CMIP: variants seen among roughly 807,000 people sequenced by gnomAD.
CMIP encodes C-Maf-inducing protein.
CMIP carries 13 observed loss-of-function variants against 97.3 expected under a neutral mutation model. The ratio of observed to expected loss-of-function variants is 0.13; its 90% CI spans 0.09 to 0.21. The LOEUF (loss-of-function observed/expected upper bound fraction) is 0.21. Among genes scored for constraint, CMIP ranks in the 10% least tolerant of loss-of-function variants. The pLI, the probability that CMIP is intolerant of heterozygous loss-of-function variation, is 1.00. For synonymous variants in CMIP, 538 were observed against 436.3 expected, an observed-to-expected ratio of 1.23 and a Z score of -2.91; for missense variants, 847 against 1,024.9, an observed-to-expected ratio of 0.83 and a Z score of 2.37.
At chr16:81,584,721 T>C (rs2091352194) in intron 1 of CMIP, among the ~76,000 whole-genome samples, 1 of 152,076 alleles carries the variant, frequency 6.6e-6, no homozygotes, top group South Asian at 2.1e-4. Context: ...CAACACATCG[T>C]GAGATGCCAG....
intron 1 of CMIP, among the ~76,000 whole-genome samples, chr16:81,474,918 A>G (rs962039653): frequency 6.6e-6 from 1 of 152,158 alleles, no homozygotes; most frequent in Non-Finnish European, 1.5e-5. Flanking sequence ...GGTGGACTGA[A>G]TGTGGTTCTG....
intron 1 of CMIP, among the ~76,000 whole-genome samples, chr16:81,480,340 G>T (rs1026574043): frequency 6.6e-6 from 1 of 152,164 alleles, no homozygotes; most frequent in Non-Finnish European, 1.5e-5. Context: ...AGGAGTTTGA[G>T]ACCAGCCTGG....
chr16:81,543,654 G>T (rs186172774), intron 1 of CMIP, among the ~76,000 whole-genome samples: 528 of 152,284 alleles, frequency 3.5e-3, no homozygotes, highest in African/African-American at 0.012. Flanking sequence ...CCCACCTAGA[G>T]CTAAGGTGAG....
At chr16:81,701,824 C>G (rs1018223786) in intron 16 of CMIP, 24 bp downstream of exon 16, 1 of 1,612,382 alleles carries the variant, frequency 6.2e-7, no homozygotes, top group Non-Finnish European at 8.5e-7. Context: ...TGCTCCGGAC[C>G]ACTCCCCTGC....
At chr16:81,562,787 T>C (rs189984187) in intron 1 of CMIP, among the ~76,000 whole-genome samples, 3 of 152,358 alleles carry the variant, frequency 2.0e-5, no homozygotes, top group Admixed American at 2.0e-4. Flanking sequence ...AAATATTTTT[T>C]TTCATTTTTC....
chr16:81,646,938 G>C (rs947790467), intron 3 of CMIP, among the ~76,000 whole-genome samples: 1 of 152,178 alleles, frequency 6.6e-6, no homozygotes, highest in Non-Finnish European at 1.5e-5. Context: ...CATGTCTTTG[G>C]AGTTTGTTTC....
At chr16:81,659,897 G>A (rs928880105) in intron 5 of CMIP, among the ~76,000 whole-genome samples, 4 of 152,192 alleles carry the variant, frequency 2.6e-5, no homozygotes, top group Non-Finnish European at 5.9e-5. Context: ...TACTATTGCT[G>A]TTGTCATTAT....
chr16:81,581,343 C>A (rs1383851241), intron 1 of CMIP, among the ~76,000 whole-genome samples: 1 of 152,136 alleles, frequency 6.6e-6, no homozygotes, highest in East Asian at 1.9e-4. Context: ...AGTGTGCTCA[C>A]AGAAGCCTCG....
At chr16:81,571,701 G>A (rs2091092872) in intron 1 of CMIP, among the ~76,000 whole-genome samples, 1 of 152,112 alleles carries the variant, frequency 6.6e-6, no homozygotes, top group Non-Finnish European at 1.5e-5. Context: ...CCCTTCCTTG[G>A]TGTGTGTAGG....
intron 1 of CMIP, among the ~76,000 whole-genome samples, chr16:81,462,359 C>G (rs1481457505): frequency 6.6e-6 from 1 of 152,074 alleles, no homozygotes; most frequent in Non-Finnish European, 1.5e-5. Context: ...AACTTAGCAA[C>G]TATGTGTTTT....
chr16:81,688,868 C>G (rs909266314), intron 10 of CMIP, among the ~76,000 whole-genome samples: 2 of 152,166 alleles, frequency 1.3e-5, no homozygotes, highest in Non-Finnish European at 2.9e-5. Flanking sequence ...GCCAAGTGTT[C>G]TCATTTTTCA....
intron 1 of CMIP, among the ~76,000 whole-genome samples, chr16:81,531,675 C>G (rs563413027): frequency 6.6e-6 from 1 of 152,318 alleles, no homozygotes; most frequent in African/African-American, 2.4e-5. Context: ...GCTTGGAGAA[C>G]TGGGTTCACT....
At chr16:81,457,922 C>T (rs112617729) in intron 1 of CMIP, among the ~76,000 whole-genome samples, 1 of 152,228 alleles carries the variant, frequency 6.6e-6, no homozygotes, top group Non-Finnish European at 1.5e-5. Flanking sequence ...CAAGCTCCCC[C>T]CTACCTTTGA....
chr16:81,604,656 C>T lies in CMIP; in HGVS notation c.301-2911C>T, dbSNP rs556185391. Reference sequence around the variant, plus strand: ...CAGAAGTTGCAGTGAGCCGAGATCGCGCCACTGCAGTCCAGCCTGGGCGAC... The same window carrying T: ...CAGAAGTTGCAGTGAGCCGAGATCGTGCCACTGCAGTCCAGCCTGGGCGAC... On this transcript the variant is annotated intron_variant, in intron 1 of 20. Transcript: ENST00000537098. 1.2e-4 allele frequency among the ~76,000 whole-genome samples: 18 copies of T among 152,232 alleles called. No homozygotes were observed. In the East Asian group the frequency reaches 1.4e-3, roughly 11 times the overall value.
In CMIP at chr16:81,711,469, GTT is replaced by G. The variant is rs1285905988; in HGVS notation, c.*1673_*1674del. 2 of 151,488 alleles carry G rather than the reference GTT, an allele frequency of 1.3e-5. No individual in the cohort carries two copies. Among genetic ancestry groups the G allele is most frequent in the Non-Finnish European group, 2.9e-5 (2 of 67,906 alleles). 9.4% of individuals were successfully genotyped at this position (151,488 alleles called of 1,614,324 possible). ...TGTGTGTGAGTGTGTTCTGTTTTGT[GTT>G]TTGTTTTTTGTTGTTGTTTTTAGTT... On this transcript the variant is annotated 3_prime_UTR_variant, in exon 21 of 21. Transcript: ENST00000537098.
intron 1 of CMIP, among the ~76,000 whole-genome samples, chr16:81,560,058 G>T (rs2090846868): frequency 6.6e-6 from 1 of 150,798 alleles, no homozygotes; most frequent in Non-Finnish European, 1.5e-5. Flanking sequence ...TGAGGAAGGA[G>T]AATCGCTTCA....
chr16:81,559,636 G>C (rs918990414), intron 1 of CMIP, among the ~76,000 whole-genome samples: 2 of 152,184 alleles, frequency 1.3e-5, no homozygotes, highest in Non-Finnish European at 2.9e-5. Context: ...GGTGTTGGTG[G>C]TGGTGCTGGT....
At chr16:81,697,984 C>T (rs574687176) in intron 14 of CMIP, 1 of 147,384 alleles carries the variant, frequency 6.8e-6, no homozygotes, top group Admixed American at 6.9e-5. Flanking sequence ...TAGCAACGCT[C>T]AGCTGCGCCC....
At chr16:81,539,918 G>A (rs113330794) in intron 1 of CMIP, among the ~76,000 whole-genome samples, 25 of 152,112 alleles carry the variant, frequency 1.6e-4, no homozygotes, top group African/African-American at 5.8e-4. Context: ...GTCTCTCTAC[G>A]TGCTCCGTGT....
Sources: allele counts gnomAD v4.1 joint callset (sites outside exome capture counted in the v4.1 genomes callset), GRCh38; gene constraint gnomAD v4.1.1; transcripts MANE v1.5; gene names NCBI Gene and HGNC (gene_info 2026-07-23, HGNC 2026-07-21).